Variants in KCTD3 observed in about 807,000 individuals in gnomAD.
The protein encoded by KCTD3 is potassium channel tetramerization domain containing 3.
Under a neutral mutation model 85.8 loss-of-function variants are expected in KCTD3, and 41 were observed. That is an observed-to-expected ratio of 0.48 (90% CI 0.37 to 0.62). The LOEUF is 0.62. KCTD3 is among the 20% of genes least tolerant of loss of function. The probability of loss-of-function intolerance (pLI) is 0.00; values close to 1 mark genes in which losing one functional copy is unlikely to be tolerated. For missense variants in KCTD3, 724 were observed against 989.9 expected (o/e 0.73, Z 3.60); for synonymous variants, 338 against 345.4 (o/e 0.98, Z 0.24).
chr1:215,620,109 A>G lies in KCTD3; in HGVS notation c.1939A>G (p.Met647Val). Reference protein sequence around the residue: ...TTHEAATYGSMRPYRESPLLA... With the variant: ...TTHEAATYGSVRPYRESPLLA... ...CCATGAAGCAGCTACTTACGGTTCC[A>G]TGAGGCCTTACAGAGAAAGTCCTTT... is the stretch of plus-strand genomic sequence containing the variant. Residue 647 changes from methionine to valine, a missense_variant, in exon 18 of 18, where the codon ATG becomes GTG. Transcript: ENST00000259154. 6.2e-7 allele frequency: 1 copy of G among 1,613,036 alleles called. No homozygotes were observed. Among genetic ancestry groups the G allele is most frequent in the Non-Finnish European group, 8.5e-7 (1 of 1,179,564 alleles).
rs1230790533 is a variant in KCTD3, at chr1:215,571,638, T to TA, written c.84-2148_84-2147insA. 2.6e-5 allele frequency among the ~76,000 whole-genome samples: 4 copies of TA among 152,092 alleles called. No homozygotes were observed. In the East Asian group the frequency reaches 7.7e-4, roughly 29 times the overall value. ...AAGAAGTGGAGATAAACTTTTTTTT[T>TA]TTTTTTTTCCGAGACGGAGTCTCGC... On this transcript the variant is annotated intron_variant, in intron 1 of 17. Transcript: ENST00000259154.
intron 9 of KCTD3, among the ~76,000 whole-genome samples, chr1:215,590,566 A>G (rs1210252239): frequency 6.6e-6 from 1 of 152,062 alleles, no homozygotes; most frequent in South Asian, 2.1e-4. Context: ...CAGTTTAGAT[A>G]TCTTTTATTG....
intron 4 of KCTD3, 96 bp from the exon 5 acceptor site, chr1:215,577,574 C>A: frequency 1.3e-6 from 1 of 768,932 alleles, no homozygotes. Flanking sequence ...AGCCTTATGA[C>A]TATATACATG....
chr1:215,573,950 A>G (rs960270344), intron 2 of KCTD3, 111 bp downstream of exon 2: 47 of 964,444 alleles, frequency 4.9e-5, no homozygotes, highest in Middle Eastern at 3.0e-4. Context: ...TTAAAATTAT[A>G]TATTTTTGAA....
At chr1:215,582,157 ATTTTC>A (rs1659848192) in intron 8 of KCTD3, among the ~76,000 whole-genome samples, 1 of 152,072 alleles carries the variant, frequency 6.6e-6, no homozygotes, top group South Asian at 2.1e-4. Context: ...TTAAGGATTT[ATTTTC>A]TTCTCAGTGG....
chr1:215,613,645 A>C (rs1380426652), intron 15 of KCTD3, among the ~76,000 whole-genome samples: 4 of 152,144 alleles, frequency 2.6e-5, no homozygotes, highest in Non-Finnish European at 5.9e-5. Flanking sequence ...TTTACATTTA[A>C]GTCTTTACTG....
At chr1:215,608,223 A>G (rs774010213) in intron 14 of KCTD3, 51 bp downstream of exon 14, 1 of 1,274,302 alleles carries the variant, frequency 7.8e-7, no homozygotes, top group East Asian at 2.5e-5. Flanking sequence ...AACTGTTCAG[A>G]AGAAGCATAT....
chr1:215,577,917 C>G (rs1332734266), intron 5 of KCTD3, 84 bp from the exon 6 acceptor site: 3 of 1,556,594 alleles, frequency 1.9e-6, no homozygotes, highest in Middle Eastern at 1.7e-4. Flanking sequence ...TTTCCTTATC[C>G]TCTTGAACTA....
At position 215,583,068 on chromosome 1, in the gene KCTD3, T is replaced by C. The variant is rs1253494426; in HGVS notation, c.626+3069T>C. Among the ~76,000 whole-genome samples, 7 of 152,262 alleles carry C rather than the reference T, an allele frequency of 4.6e-5. 1 individual carries two copies. Among genetic ancestry groups the C allele is most frequent in the South Asian group, 4.1e-4 (2 of 4,824 alleles). On this transcript the variant is annotated intron_variant, in intron 8 of 17. Coordinates refer to ENST00000259154, the MANE Select transcript of KCTD3 (RefSeq NM_016121.5). ...TTATTGTGTAATACCCTAATTACTA[T>C]AGAGAAAAACAACTTAGAAGTAATA...
chr1:215,567,845 T>A (rs1659198201), intron 1 of KCTD3, 77 bp downstream of exon 1: 3 of 1,011,280 alleles, frequency 3.0e-6, no homozygotes, highest in Non-Finnish European at 2.5e-6. Context: ...GGACCGAGAG[T>A]CGCAGGAACG....
chr1:215,570,445 G>A (rs1659317712), intron 1 of KCTD3, among the ~76,000 whole-genome samples: 1 of 152,194 alleles, frequency 6.6e-6, no homozygotes, highest in Admixed American at 6.5e-5. Context: ...TTATGGGCAA[G>A]TGTGATTTTG....
intron 9 of KCTD3, among the ~76,000 whole-genome samples, chr1:215,587,502 A>G (rs1660055764): frequency 6.6e-6 from 1 of 152,222 alleles, no homozygotes; most frequent in African/African-American, 2.4e-5. Flanking sequence ...ATGTTAATAT[A>G]GTTATAATAA....
At chr1:215,592,185 T>C (rs1319852248) in intron 9 of KCTD3, among the ~76,000 whole-genome samples, 1 of 152,180 alleles carries the variant, frequency 6.6e-6, no homozygotes, top group Non-Finnish European at 1.5e-5. Flanking sequence ...AGATGAGATT[T>C]GGGTGGGGCA....
chr1:215,599,185 G>GT (rs1483889657), intron 10 of KCTD3, among the ~76,000 whole-genome samples: 5 of 151,822 alleles, frequency 3.3e-5, no homozygotes, highest in African/African-American at 4.8e-5. Context: ...AATGAGAAGG[G>GT]TTTTTTTTCA....
chr1:215,616,820 C>T (rs990361930), intron 15 of KCTD3, among the ~76,000 whole-genome samples: 10 of 152,224 alleles, frequency 6.6e-5, no homozygotes, highest in African/African-American at 2.4e-4. Context: ...TGGTCTTTGT[C>T]TCTGTTTCCT....
chr1:215,574,101 C>T lies in KCTD3; in HGVS notation c.166C>T (p.Arg56Ter), dbSNP rs1035793514. ...SLLSGRISTL[R>*]DETGAIFIDR... is the part of the protein sequence containing the mutation. ...GCTGAGTGGGAGAATTTCAACACTT[C>T]GAGATGAAACTGGTGCTGTGAGTAT... The change falls in exon 3 of 18, where the codon CGA becomes TGA. Residue 56 changes from arginine (R) to a stop codon, truncating the protein, a stop_gained. Transcript: ENST00000259154. LOFTEE classifies it high-confidence loss of function. 4.4e-6 allele frequency: 7 copies of T among 1,582,596 alleles called. No homozygotes were observed. The highest frequency in any genetic ancestry group is 3.4e-5 in the Admixed American group (2 of 59,680).
chr1:215,611,349 G>A (rs1323962371), intron 14 of KCTD3, among the ~76,000 whole-genome samples: 9 of 151,852 alleles, frequency 5.9e-5, no homozygotes, highest in East Asian at 3.9e-4. Flanking sequence ...AAGAAGAAAT[G>A]TGGTTAACAG....
At chr1:215,594,738 T>G (rs1289993375) in intron 9 of KCTD3, among the ~76,000 whole-genome samples, 2 of 152,214 alleles carry the variant, frequency 1.3e-5, no homozygotes, top group African/African-American at 4.8e-5. Flanking sequence ...TAGTGTCTTT[T>G]GAATTAATTA....
intron 9 of KCTD3, among the ~76,000 whole-genome samples, chr1:215,591,590 C>T (rs543913315): frequency 3.3e-5 from 5 of 152,062 alleles, no homozygotes; most frequent in African/African-American, 9.7e-5. Flanking sequence ...CTCTTGACCT[C>T]GTAATCCGCC....
Sources: gnomAD v4.1 joint callset for allele counts (sites outside exome capture counted in the v4.1 genomes callset) on GRCh38, gnomAD v4.1.1 for gene constraint, MANE v1.5 for transcripts, NCBI Gene and HGNC (gene_info 2026-07-23, HGNC 2026-07-21) for gene names.